ZRANB3: variants seen among roughly 807,000 people sequenced by gnomAD.
ZRANB3 encodes the protein zinc finger RANBP2-type containing 3.
In ZRANB3, 125 loss-of-function variants were observed where a neutral mutation model predicts 133.8. That is an observed-to-expected ratio of 0.93 (90% CI 0.81 to 1.08). The LOEUF is 1.08. Ranked by LOEUF, ZRANB3 falls within the 50% of genes least tolerant of loss-of-function variation. The pLI, the probability that ZRANB3 is intolerant of heterozygous loss-of-function variation, is 0.00. For synonymous variants in ZRANB3, 387 were observed against 432.7 expected (o/e 0.89, Z 1.31); for missense variants, 1,229 against 1,275.5 (o/e 0.96, Z 0.56).
Position 135,244,781 on chromosome 2 carries a change from C to A in ZRANB3, c.1540-13854G>T, listed in dbSNP as rs529273779. On this transcript the variant is annotated intron_variant, in intron 12 of 20. Coordinates refer to ENST00000264159, the MANE Select transcript of ZRANB3 (RefSeq NM_032143.4). ...ACTTATTTTACTATTTAAGCAATGA[C>A]TTATTTTGGGAAAATAGCATTTGAG... Among the ~76,000 whole-genome samples, 28 of 146,964 alleles carry A rather than the reference C, an allele frequency of 1.9e-4. No homozygotes were observed. The South Asian group carries it at 6.6e-3, about 35-fold the overall frequency.
At chr2:135,270,950 T>A (rs1680482711) in intron 10 of ZRANB3, among the ~76,000 whole-genome samples, 1 of 152,230 alleles carries the variant, frequency 6.6e-6, no homozygotes, top group Admixed American at 6.5e-5. Flanking sequence ...CTTTCCCTAA[T>A]ATCTATCCTT....
At chr2:135,446,252 G>A (rs1446206531) in intron 2 of ZRANB3, among the ~76,000 whole-genome samples, 15 of 151,886 alleles carry the variant, frequency 9.9e-5, no homozygotes, top group South Asian at 2.1e-4. Context: ...ATCAACAGAC[G>A]GATAGTTCAT....
chr2:135,511,118 AC>A (rs1693434297), intron 1 of ZRANB3: 1 of 769,080 alleles, frequency 1.3e-6, no homozygotes, highest in African/African-American at 1.7e-5. Context: ...CTAGTACTTT[AC>A]CAACATAAGG....
intron 8 of ZRANB3, among the ~76,000 whole-genome samples, chr2:135,305,976 A>G (rs1017942248): frequency 6.6e-6 from 1 of 151,618 alleles, no homozygotes; most frequent in Non-Finnish European, 1.5e-5. Flanking sequence ...ACATTCCCTT[A>G]TATGTGATTT....
At chr2:135,306,928 G>A (rs1408807493) in intron 8 of ZRANB3, among the ~76,000 whole-genome samples, 1 of 151,992 alleles carries the variant, frequency 6.6e-6, no homozygotes, top group Admixed American at 6.6e-5. Context: ...GTTTCACCAT[G>A]TTGGCCAGAC....
chr2:135,304,535 T>C (rs1175046358), intron 8 of ZRANB3, among the ~76,000 whole-genome samples: 1 of 152,176 alleles, frequency 6.6e-6, no homozygotes, highest in African/African-American at 2.4e-5. Flanking sequence ...TGTCTGGTTT[T>C]GGTAACAGAG....
At chr2:135,257,150 A>T (rs1308436862) in intron 12 of ZRANB3, among the ~76,000 whole-genome samples, 1 of 152,212 alleles carries the variant, frequency 6.6e-6, no homozygotes, top group Non-Finnish European at 1.5e-5. Flanking sequence ...CAAGCAGCCC[A>T]TGCCACTGCT....
At chr2:135,257,948 T>A (rs1338752916) in intron 12 of ZRANB3, among the ~76,000 whole-genome samples, 1 of 152,142 alleles carries the variant, frequency 6.6e-6, no homozygotes, top group East Asian at 1.9e-4. Context: ...TCAGATTTAG[T>A]GGGGCAAGTT....
chr2:135,423,122 G>A (rs1688930940), intron 2 of ZRANB3, among the ~76,000 whole-genome samples: 1 of 152,098 alleles, frequency 6.6e-6, no homozygotes, highest in Admixed American at 6.5e-5. Flanking sequence ...ATTATTCCTT[G>A]TATTTTTCTG....
At chr2:135,372,938 C>T (rs908632731) in intron 3 of ZRANB3, among the ~76,000 whole-genome samples, 1 of 151,580 alleles carries the variant, frequency 6.6e-6, no homozygotes, top group Non-Finnish European at 1.5e-5. Context: ...AAAAATTAGC[C>T]TGATGTGGTG....
intron 1 of ZRANB3, among the ~76,000 whole-genome samples, chr2:135,517,022 G>A (rs1297852152): frequency 1.3e-5 from 2 of 151,552 alleles, no homozygotes. Context: ...TCATTAAGTT[G>A]ATCTTCAATC....
chr2:135,207,814 A>G lies in ZRANB3; in HGVS notation c.2629T>C (p.Cys877Arg), dbSNP rs1401428732. The G allele has an allele frequency of 1.3e-6, 2 of 1,594,034 alleles. No individual in the cohort carries two copies. Among genetic ancestry groups the G allele is most frequent in the Non-Finnish European group, 1.7e-6 (2 of 1,164,374 alleles). ...FTKKLLEDGA[C>R]VPFLNPYTVQ... ...GTGTATGGATTTAGAAATGGGACAC[A>G]GGCTCCATCTTCAAGAAGTTTTCTA... is the stretch of plus-strand genomic sequence containing the variant. Residue 877 changes from cysteine (C) to arginine (R), a missense_variant, in exon 19 of 21, where the codon TGT becomes CGT. By Grantham distance (180) the Cys-to-Arg change is radical. Coordinates refer to ENST00000264159, the MANE Select transcript of ZRANB3 (RefSeq NM_032143.4).
Position 135,490,413 on chromosome 2 carries a change from C to T in ZRANB3, c.161+13916G>A, listed in dbSNP as rs540312661. Among the ~76,000 whole-genome samples, 125 of 152,226 alleles carry T rather than the reference C, an allele frequency of 8.2e-4. 1 individual carries two copies. The highest frequency in any genetic ancestry group is 2.6e-3 in the African/African-American group (110 of 41,540). On this transcript the variant is annotated intron_variant, in intron 2 of 20. Transcript: ENST00000264159. ...CAGGTATATTAAAAATGCTCCACAT[C>T]ACTAATCATCAGAGAAATGCAAATC...
intron 2 of ZRANB3, among the ~76,000 whole-genome samples, chr2:135,391,602 C>T (rs970003793): frequency 2.1e-5 from 3 of 140,866 alleles, no homozygotes; most frequent in South Asian, 4.6e-4. Flanking sequence ...TTTTTTGAGA[C>T]GGAGTCTCGC....
At position 135,200,084 on chromosome 2, in the gene ZRANB3, C is replaced by T; in HGVS notation, c.*258G>A. 1.9e-6 allele frequency: 1 copy of T among 528,522 alleles called. No homozygotes were observed. Among genetic ancestry groups the T allele is most frequent in the South Asian group, 1.9e-5 (1 of 53,258 alleles). The allele number at this position is 528,522 out of a possible 1,614,324, so 32.7% of individuals were successfully genotyped here. ...GGCATATTAGGGGTAAAGAGCTTTA[C>T]AAAACATTGCTGAAACATAATTGCG... On this transcript the variant is annotated 3_prime_UTR_variant, in exon 21 of 21. Coordinates refer to ENST00000264159, the MANE Select transcript of ZRANB3 (RefSeq NM_032143.4).
intron 8 of ZRANB3, among the ~76,000 whole-genome samples, chr2:135,294,627 G>T (rs1681942021): frequency 6.6e-6 from 1 of 151,870 alleles, no homozygotes; most frequent in African/African-American, 2.4e-5. Flanking sequence ...GTTATTTCTT[G>T]CCTTCTGCTA....
chr2:135,363,934 G>A (rs1200499545), intron 3 of ZRANB3, among the ~76,000 whole-genome samples: 2 of 152,140 alleles, frequency 1.3e-5, no homozygotes, highest in Admixed American at 6.6e-5. Flanking sequence ...AAAATTTGCT[G>A]ATGTGCTGGC....
intron 3 of ZRANB3, among the ~76,000 whole-genome samples, chr2:135,362,661 AT>A (rs928013266): frequency 6.6e-6 from 1 of 151,778 alleles, no homozygotes; most frequent in Admixed American, 6.6e-5. Context: ...GCCCCTTTTT[AT>A]TTTTTTTCCT....
chr2:135,203,664 C>A (rs1228767090), intron 19 of ZRANB3, among the ~76,000 whole-genome samples: 1 of 149,114 alleles, frequency 6.7e-6, no homozygotes, highest in East Asian at 2.0e-4. Context: ...ACTACTGAGT[C>A]AAACAATCTT....
Sources: allele counts gnomAD v4.1 joint callset (sites outside exome capture counted in the v4.1 genomes callset), GRCh38; gene constraint gnomAD v4.1.1; transcripts MANE v1.5; gene names NCBI Gene and HGNC (gene_info 2026-07-23, HGNC 2026-07-21).